The following KCND2 variants were observed in gnomAD, a reference collection of about 807,000 sequenced individuals.
KCND2 encodes A-type voltage-gated potassium channel KCND2.
KCND2 carries 16 observed loss-of-function variants against 54.4 expected under a neutral mutation model. That is an observed-to-expected ratio of 0.29 (90% CI 0.20 to 0.45). The LOEUF (loss-of-function observed/expected upper bound fraction) is 0.45, where lower values mean the gene tolerates loss of function less well. Among genes scored for constraint, KCND2 ranks in the 20% least tolerant of loss-of-function variants. The pLI is 1.00. For synonymous variants in KCND2, 317 were observed against 310.7 expected (o/e 1.02, Z -0.21); for missense variants, 486 against 824.2 (o/e 0.59, Z 5.02).
At chr7:120,540,986 T>A (rs963104959) in intron 1 of KCND2, among the ~76,000 whole-genome samples, 2 of 152,214 alleles carry the variant, frequency 1.3e-5, no homozygotes, top group African/African-American at 4.8e-5. Flanking sequence ...ATTATTATAT[T>A]ATTAAAAATA....
intron 1 of KCND2, among the ~76,000 whole-genome samples, chr7:120,312,497 A>C (rs1799750506): frequency 6.6e-6 from 1 of 152,192 alleles, no homozygotes; most frequent in Admixed American, 6.5e-5. Context: ...GAAAGTATTT[A>C]CTGAGTTCAT....
At chr7:120,746,501 C>G (rs1218296447) in intron 5 of KCND2, among the ~76,000 whole-genome samples, 1 of 152,060 alleles carries the variant, frequency 6.6e-6, no homozygotes, top group Non-Finnish European at 1.5e-5. Context: ...TCATTTCTAT[C>G]AATATATAAT....
At chr7:120,736,982 C>T (rs927907059) in intron 2 of KCND2, among the ~76,000 whole-genome samples, 1 of 150,172 alleles carries the variant, frequency 6.7e-6, no homozygotes, top group Non-Finnish European at 1.5e-5. Context: ...ATTTATCACA[C>T]CCTGCTAGGG....
chr7:120,464,743 T>C (rs1018565212), intron 1 of KCND2, among the ~76,000 whole-genome samples: 2 of 152,194 alleles, frequency 1.3e-5, no homozygotes, highest in African/African-American at 4.8e-5. Context: ...GGTCTTTGTT[T>C]CCTTGCTGCC....
At chr7:120,626,232 G>T (rs552960359) in intron 1 of KCND2, among the ~76,000 whole-genome samples, 1 of 152,072 alleles carries the variant, frequency 6.6e-6, no homozygotes, top group East Asian at 1.9e-4. Flanking sequence ...AGAAGAGTAA[G>T]TTAATGTTCT....
At chr7:120,731,595 T>A (rs192192167) in intron 1 of KCND2, among the ~76,000 whole-genome samples, 22 of 152,294 alleles carry the variant, frequency 1.4e-4, no homozygotes, top group African/African-American at 4.8e-4. Flanking sequence ...ATGTCAGGGT[T>A]TAAGCAACAT....
In KCND2 at chr7:120,750,253, A is replaced by T. The variant is rs1299446526; in HGVS notation, c.*2395A>T. The T allele has an allele frequency of 6.6e-6, 1 of 152,444 alleles. No homozygotes were observed. Among genetic ancestry groups the T allele is most frequent in the Non-Finnish European group, 1.5e-5 (1 of 67,874 alleles). The allele number at this position is 152,444 out of a possible 1,614,324, so 9.4% of individuals were successfully genotyped here. On this transcript the variant is annotated 3_prime_UTR_variant, in exon 6 of 6. Transcript: ENST00000331113. ...ATTCATATATCTTATTTCAAAGGAT[A>T]GCATAATATCTGCATTATGCTGGAA...
At chr7:120,279,602 A>G (rs1216146026) in intron 1 of KCND2, among the ~76,000 whole-genome samples, 1 of 151,920 alleles carries the variant, frequency 6.6e-6, no homozygotes, top group Admixed American at 6.6e-5. Context: ...TTTATCTAAA[A>G]CAAATACGGT....
At chr7:120,582,942 C>T (rs902842272) in intron 1 of KCND2, among the ~76,000 whole-genome samples, 1 of 125,022 alleles carries the variant, frequency 8.0e-6, no homozygotes, top group Admixed American at 9.2e-5. Flanking sequence ...TTGCATTGCT[C>T]TGTGTGTGTG....
At chr7:120,328,285 G>T (rs750125131) in intron 1 of KCND2, among the ~76,000 whole-genome samples, 1 of 152,058 alleles carries the variant, frequency 6.6e-6, no homozygotes, top group Non-Finnish European at 1.5e-5. Context: ...ATACTTGATA[G>T]TATTTATTGG....
At chr7:120,306,402 C>T (rs530199679) in intron 1 of KCND2, among the ~76,000 whole-genome samples, 1 of 151,962 alleles carries the variant, frequency 6.6e-6, no homozygotes, top group South Asian at 2.1e-4. Flanking sequence ...TTGTTTAAAA[C>T]AATTCAATAA....
chr7:120,522,048 G>T (rs1214001942), intron 1 of KCND2, among the ~76,000 whole-genome samples: 2 of 152,106 alleles, frequency 1.3e-5, no homozygotes, highest in East Asian at 1.9e-4. Flanking sequence ...ACACACATTT[G>T]CAACAACTCA....
intron 1 of KCND2, among the ~76,000 whole-genome samples, chr7:120,649,614 GT>G (rs1171736880): frequency 2.6e-5 from 4 of 151,976 alleles, no homozygotes; most frequent in South Asian, 4.1e-4. Context: ...GGGGTTGTTT[GT>G]TTTTTTCTTG....
chr7:120,508,769 A>G (rs1464859515), intron 1 of KCND2, among the ~76,000 whole-genome samples: 2 of 152,062 alleles, frequency 1.3e-5, no homozygotes, highest in African/African-American at 4.8e-5. Flanking sequence ...ATTTTGCCAC[A>G]AATATGACAT....
intron 1 of KCND2, among the ~76,000 whole-genome samples, chr7:120,450,888 G>A (rs1164731222): frequency 2.6e-5 from 4 of 152,068 alleles, no homozygotes; most frequent in Admixed American, 1.3e-4. Context: ...CAGGTGGAGC[G>A]ATTACTTATT....
chr7:120,431,892 C>T (rs957610272), intron 1 of KCND2, among the ~76,000 whole-genome samples: 1 of 152,008 alleles, frequency 6.6e-6, no homozygotes, highest in Admixed American at 6.6e-5. Context: ...ATCTTCCATA[C>T]TCTACTGTTT....
chr7:120,281,538 C>T (rs959464157), intron 1 of KCND2, among the ~76,000 whole-genome samples: 16 of 152,210 alleles, frequency 1.1e-4, no homozygotes, highest in Admixed American at 1.3e-4. Flanking sequence ...TTTACGTTGA[C>T]CTTCTCCATG....
rs1158813793 is a variant in KCND2, at chr7:120,273,740, T to G, written c.-893T>G. The G allele has an allele frequency of 6.6e-6, 1 of 152,632 alleles. No individual in the cohort carries two copies. Among genetic ancestry groups the G allele is most frequent in the Non-Finnish European group, 1.5e-5 (1 of 68,060 alleles). 9.5% of individuals were successfully genotyped at this position (152,632 alleles called of 1,614,324 possible). On this transcript the variant is annotated 5_prime_UTR_variant, in exon 1 of 6. Transcript: ENST00000331113. ...GGCGAGGAGAAAGTCTCTATGCAACTAAGCCCCGGCGCGCACTTGGCCAGG... is the reference window on the plus strand; with the variant it reads ...GGCGAGGAGAAAGTCTCTATGCAACGAAGCCCCGGCGCGCACTTGGCCAGG...
intron 1 of KCND2, among the ~76,000 whole-genome samples, chr7:120,506,504 A>G (rs775847144): frequency 6.6e-6 from 1 of 151,872 alleles, no homozygotes; most frequent in African/African-American, 2.4e-5. Context: ...AAAGACAAAC[A>G]TAGTACTAAA....
Sources: gnomAD v4.1 joint callset for allele counts (sites outside exome capture counted in the v4.1 genomes callset) on GRCh38, gnomAD v4.1.1 for gene constraint, MANE v1.5 for transcripts, NCBI Gene and HGNC (gene_info 2026-07-23, HGNC 2026-07-21) for gene names.